Variants in ENTPD6 observed in about 807,000 individuals in gnomAD.
ENTPD6 encodes CD39 antigen-like 2.
Under a neutral mutation model 61.5 loss-of-function variants are expected in ENTPD6, and 46 were observed. That is an observed-to-expected ratio of 0.75 (90% CI 0.59 to 0.96). The LOEUF (loss-of-function observed/expected upper bound fraction) is 0.96. Ranked by LOEUF, ENTPD6 falls within the 40% of genes least tolerant of loss-of-function variation. The probability of loss-of-function intolerance (pLI) is 0.00; values close to 1 mark genes in which losing one functional copy is unlikely to be tolerated. For missense variants in ENTPD6, 612 were observed against 629.0 expected (o/e 0.97, Z 0.29); for synonymous variants, 252 against 255.5 (o/e 0.99, Z 0.13).
intron 14 of ENTPD6, 47 bp downstream of exon 14, chr20:25,225,364 G>A (rs2092770503): frequency 6.2e-7 from 1 of 1,604,696 alleles, no homozygotes; most frequent in Admixed American, 1.7e-5. Flanking sequence ...TGGAGTGAGG[G>A]GCCTAGAACC....
At chr20:25,205,893 T>C (rs1219218638) in intron 1 of ENTPD6, among the ~76,000 whole-genome samples, 1 of 152,190 alleles carries the variant, frequency 6.6e-6, no homozygotes, top group Non-Finnish European at 1.5e-5. Flanking sequence ...GCCCTGTCCT[T>C]CCGTTCTGCT....
intron 10 of ENTPD6, 120 bp from the exon 11 acceptor site, chr20:25,221,112 G>A (rs2092615970): frequency 9.8e-6 from 7 of 712,266 alleles, no homozygotes; most frequent in Admixed American, 2.8e-5. Context: ...CAGTGGACCT[G>A]GAAGCCACTC....
Position 25,225,229 on chromosome 20 carries a change from C to T in ENTPD6, c.1268C>T (p.Pro423Leu), listed in dbSNP as rs752409976. Residue 423 changes from proline to leucine, a missense_variant, in exon 14 of 15, where the codon CCG becomes CTG. Physicochemically the swap from Pro to Leu is moderately conservative, Grantham distance 98 (BLOSUM62 -3). Coordinates refer to ENST00000376652, the MANE Select transcript of ENTPD6 (RefSeq NM_001247.5). ...KYVCRTLETQPQSSPFSCMDL... is the reference protein window; with the variant it reads ...KYVCRTLETQLQSSPFSCMDL... Reference sequence around the variant, plus strand: ...GTGTGTCGGACCCTGGAGACACAGCCGCAGAGCAGCCCCTTCTCATGCATG... The same window carrying T: ...GTGTGTCGGACCCTGGAGACACAGCTGCAGAGCAGCCCCTTCTCATGCATG... 4.5e-5 allele frequency: 73 copies of T among 1,613,192 alleles called. No homozygotes were observed. Among genetic ancestry groups the T allele is most frequent in the Admixed American group, 6.7e-5 (4 of 59,948 alleles).
chr20:25,220,175 G>C (rs565309678), intron 10 of ENTPD6, among the ~76,000 whole-genome samples: 1 of 152,146 alleles, frequency 6.6e-6, no homozygotes, highest in Non-Finnish European at 1.5e-5. Flanking sequence ...CGGTTATTGC[G>C]TAACAGACCC....
intron 1 of ENTPD6, chr20:25,196,285 G>A (rs983604968): frequency 1.0e-6 from 1 of 995,876 alleles, no homozygotes. Flanking sequence ...CAGGACTGAG[G>A]GTGTAAGGAC....
At chr20:25,210,372 A>T (rs908978442) in intron 4 of ENTPD6, among the ~76,000 whole-genome samples, 1 of 152,206 alleles carries the variant, frequency 6.6e-6, no homozygotes, top group Non-Finnish European at 1.5e-5. Context: ...TTGGCCAGGC[A>T]TGGTGGCTCA....
At chr20:25,217,411 C>A in intron 8 of ENTPD6, 91 bp from the exon 9 acceptor site, 2 of 1,236,834 alleles carry the variant, frequency 1.6e-6, no homozygotes, top group African/African-American at 1.5e-5. Flanking sequence ...CTGCACCTGA[C>A]CATCCCCTTT....
intron 12 of ENTPD6, chr20:25,223,875 G>T (rs1157689776): frequency 4.9e-6 from 2 of 408,088 alleles, no homozygotes; most frequent in Non-Finnish European, 4.4e-6. Flanking sequence ...ACACTGCAGG[G>T]TTGGGTTGTG....
At chr20:25,204,318 C>T (rs141741181) in intron 1 of ENTPD6, among the ~76,000 whole-genome samples, 4 of 152,230 alleles carry the variant, frequency 2.6e-5, no homozygotes, top group African/African-American at 9.6e-5. Context: ...TAAGTTGGTG[C>T]TTTGAAGCTT....
chr20:25,199,000 A>G (rs1331664344), intron 1 of ENTPD6, among the ~76,000 whole-genome samples: 2 of 152,150 alleles, frequency 1.3e-5, no homozygotes, highest in Non-Finnish European at 2.9e-5. Flanking sequence ...TGTGGCATCT[A>G]TGATGCCTGC....
At position 25,195,768 on chromosome 20, in the gene ENTPD6, T is replaced by C. The variant is rs1167834351; in HGVS notation, c.-115T>C. On this transcript the variant is annotated 5_prime_UTR_variant, in exon 1 of 15. Coordinates refer to ENST00000376652, the MANE Select transcript of ENTPD6 (RefSeq NM_001247.5). ...CGTATCCCGCGGGTGGAGGCCGGGG[T>C]GGCGCCGGCCGGGGCGGGGGAGCCC... 8 of 1,033,312 alleles carry C rather than the reference T, an allele frequency of 7.7e-6. No individual in the cohort carries two copies. Among genetic ancestry groups the C allele is most frequent in the Non-Finnish European group, 8.8e-6 (7 of 799,698 alleles). The allele number at this position is 1,033,312 out of a possible 1,614,324, so 64.0% of individuals were successfully genotyped here.
At position 25,218,627 on chromosome 20, in the gene ENTPD6, G is replaced by A. The variant is rs374471728; in HGVS notation, c.943+13G>A. 3.8e-6 allele frequency: 6 copies of A among 1,593,424 alleles called. No homozygotes were observed. The highest frequency in any genetic ancestry group is 4.5e-5 in the East Asian group (2 of 44,368). On this transcript the variant is annotated intron_variant, in intron 10 of 14. Coordinates refer to ENST00000376652, the MANE Select transcript of ENTPD6 (RefSeq NM_001247.5). The stretch of plus-strand genomic sequence containing the variant: ...GAGGGGCAGCCTGGTGAGTGGACAT[G>A]TTGCCCCGGGCCCACTTTCACAGCC...
intron 11 of ENTPD6, chr20:25,222,389 C>G (rs2092666339): frequency 6.1e-6 from 1 of 163,140 alleles, no homozygotes; most frequent in Admixed American, 5.8e-5. Flanking sequence ...CCGGGGTCCT[C>G]TGTTCCTGTT....
At chr20:25,196,343 C>G (rs1158032646) in intron 1 of ENTPD6, 8 of 616,360 alleles carry the variant, frequency 1.3e-5, no homozygotes, top group Non-Finnish European at 1.6e-5. Flanking sequence ...CATAGGTGGT[C>G]AGGGCGGTTC....
intron 3 of ENTPD6, 95 bp from the exon 4 acceptor site, chr20:25,209,754 A>T: frequency 9.5e-7 from 1 of 1,047,510 alleles, no homozygotes; most frequent in Non-Finnish European, 1.5e-6. Flanking sequence ...GGTCTGTGTT[A>T]GTGTCTGTCT....
At chr20:25,210,436 A>G (rs932731606) in intron 4 of ENTPD6, among the ~76,000 whole-genome samples, 11 of 147,438 alleles carry the variant, frequency 7.5e-5, no homozygotes, top group African/African-American at 2.7e-4. Flanking sequence ...TCTTGAGCCC[A>G]GGAGTTGAAG....
At chr20:25,196,281 TGAGG>T in intron 1 of ENTPD6, 1 of 1,009,534 alleles carries the variant, frequency 9.9e-7, no homozygotes, top group Non-Finnish European at 1.2e-6. Context: ...CGGACAGGAC[TGAGG>T]GTGTAAGGAC....
chr20:25,223,295 CAGG>C (rs780065523), intron 12 of ENTPD6, among the ~76,000 whole-genome samples: 6 of 152,138 alleles, frequency 3.9e-5, no homozygotes, highest in Non-Finnish European at 7.4e-5. Flanking sequence ...GCCCTGGCTA[CAGG>C]AGGCCTCCTG....
chr20:25,196,290 A>G, intron 1 of ENTPD6: 1 of 975,196 alleles, frequency 1.0e-6, no homozygotes, highest in South Asian at 4.9e-5. Flanking sequence ...CTGAGGGTGT[A>G]AGGACGATTC....
Sources: gnomAD v4.1 joint callset for allele counts (sites outside exome capture counted in the v4.1 genomes callset) on GRCh38, gnomAD v4.1.1 for gene constraint, MANE v1.5 for transcripts, NCBI Gene and HGNC (gene_info 2026-07-23, HGNC 2026-07-21) for gene names.